Variants in RBFOX3 observed in about 807,000 individuals in gnomAD.
RBFOX3 encodes RNA binding fox-1 homolog 3, also known as RNA binding protein fox-1 homolog 3.
Under a neutral mutation model 48.7 loss-of-function variants are expected in RBFOX3, and 17 were observed. The observed-to-expected ratio is 0.35, with a 90% CI of 0.24 to 0.52. The LOEUF (loss-of-function observed/expected upper bound fraction) is 0.52, where lower values mean the gene tolerates loss of function less well. Ranked by LOEUF, RBFOX3 falls within the 20% of genes least tolerant of loss-of-function variation. The pLI, the probability that RBFOX3 is intolerant of heterozygous loss-of-function variation, is 0.94. For missense variants in RBFOX3, 382 were observed against 497.5 expected (o/e 0.77, Z 2.21); for synonymous variants, 212 against 209.5 (o/e 1.01, Z -0.10).
chr17:79,332,827 A>T (rs2078930511), intron 2 of RBFOX3, among the ~76,000 whole-genome samples: 1 of 151,850 alleles, frequency 6.6e-6, no homozygotes, highest in Non-Finnish European at 1.5e-5. Flanking sequence ...ACAGAGACAT[A>T]GAGAAAGAGA....
Position 79,471,942 on chromosome 17 carries a change from C to T in RBFOX3, c.-175+10512G>A, listed in dbSNP as rs2077118329. ...CAGGAAAACCCTTTATGGAAACCTA[C>T]TATGTGCAGCACTGTGGGAGAAACA... On this transcript the variant is annotated intron_variant, in intron 2 of 14. Transcript: ENST00000693108. This position sits in a 1 kb window ranked among gnomAD's most constrained non-coding sequence, Gnocchi z 4.0. Among the ~76,000 whole-genome samples the T allele has an allele frequency of 6.6e-6, 1 of 152,214 alleles. No individual in the cohort carries two copies. The highest frequency in any genetic ancestry group is 2.4e-5 in the African/African-American group (1 of 41,442).
chr17:79,192,610 C>T (rs1291451224), intron 4 of RBFOX3, among the ~76,000 whole-genome samples: 1 of 152,142 alleles, frequency 6.6e-6, no homozygotes, highest in African/African-American at 2.4e-5. Context: ...ATGTGGATGT[C>T]CATGGCTGAA....
intron 1 of RBFOX3, among the ~76,000 whole-genome samples, chr17:79,602,955 C>T (rs1454213262): frequency 6.6e-6 from 1 of 150,886 alleles, no homozygotes; most frequent in Non-Finnish European, 1.5e-5. Context: ...AGCAAGAGGA[C>T]CTGCTGCAGT....
chr17:79,559,097 GA>G (rs2091992631), intron 1 of RBFOX3, among the ~76,000 whole-genome samples: 2 of 152,184 alleles, frequency 1.3e-5, no homozygotes, highest in South Asian at 4.1e-4. Flanking sequence ...CAGCACTGAT[GA>G]CCTCACAATC....
intron 4 of RBFOX3, among the ~76,000 whole-genome samples, chr17:79,129,778 A>C (rs2038329339): frequency 1.3e-5 from 2 of 152,246 alleles, no homozygotes; most frequent in South Asian, 4.1e-4. Flanking sequence ...TGCTGGTTCT[A>C]AACTACCAGC....
At chr17:79,531,155 C>T (rs1031236957) in intron 1 of RBFOX3, among the ~76,000 whole-genome samples, 11 of 152,230 alleles carry the variant, frequency 7.2e-5, no homozygotes, top group Admixed American at 5.2e-4. Context: ...AGGTGCTACA[C>T]GGAAAAGCCC....
At chr17:79,568,910 C>T (rs1474804729) in intron 1 of RBFOX3, among the ~76,000 whole-genome samples, 9 of 152,024 alleles carry the variant, frequency 5.9e-5, no homozygotes, top group Non-Finnish European at 1.3e-4. Flanking sequence ...CCCAGAGCTC[C>T]GGACCCAGTG....
At chr17:79,228,822 A>G (rs1458569350) in intron 4 of RBFOX3, among the ~76,000 whole-genome samples, 1 of 152,206 alleles carries the variant, frequency 6.6e-6, no homozygotes, top group Non-Finnish European at 1.5e-5. Flanking sequence ...GTGTGCGCAT[A>G]CCAAGCGCTC....
At chr17:79,456,475 TGGAGAGAACCC>T (rs2074514235) in intron 2 of RBFOX3, among the ~76,000 whole-genome samples, 1 of 151,984 alleles carries the variant, frequency 6.6e-6, no homozygotes, top group Admixed American at 6.5e-5. Context: ...CATCCCCTGC[TGGAGAGAACCC>T]GCCCCAGACC....
At chr17:79,558,209 C>T (rs1474373254) in intron 1 of RBFOX3, among the ~76,000 whole-genome samples, 3 of 151,394 alleles carry the variant, frequency 2.0e-5, no homozygotes, top group Admixed American at 6.6e-5. Context: ...GAGAGGGCCA[C>T]GTGGCCCAGG....
At chr17:79,270,456 A>G (rs1325934067) in intron 3 of RBFOX3, among the ~76,000 whole-genome samples, 1 of 152,020 alleles carries the variant, frequency 6.6e-6, no homozygotes, top group East Asian at 1.9e-4. Flanking sequence ...CAAGCCAAAC[A>G]CCTGTGACCC....
At chr17:79,664,441 G>C in the RBFOX3 span, among the ~76,000 whole-genome samples, 1 of 151,982 alleles carries the variant, frequency 6.6e-6, no homozygotes, top group Non-Finnish European at 1.5e-5. Flanking sequence ...CGCCCCCCGG[G>C]GTTCACGCCA....
In RBFOX3 at chr17:79,584,389, G is replaced by A. The variant is rs941228626; in HGVS notation, c.-320+26437C>T. 1.5e-3 allele frequency among the ~76,000 whole-genome samples: 223 copies of A among 152,262 alleles called. 6 individuals are homozygous for A. Among genetic ancestry groups the A allele is most frequent in the Admixed American group, 0.014 (207 of 15,294 alleles). ...TTTGATCCAACAATCCCACTACCAG[G>A]TATCTACCCAGAGGAAAATAAGTCA... On this transcript the variant is annotated intron_variant, in intron 1 of 14. Coordinates refer to ENST00000693108, the MANE Select transcript of RBFOX3 (RefSeq NM_001350451.2).
chr17:79,103,881 C>T lies in RBFOX3; in HGVS notation c.414+192G>A, dbSNP rs532552411. ...GTGGCTCAGAAAGAAAAAGCGGCAG[C>T]GGCAGCAACAACACAGACAGCTGGG... is the stretch of plus-strand genomic sequence containing the variant. On this transcript the variant is annotated intron_variant, in intron 7 of 14. Transcript: ENST00000693108. This position sits in a 1 kb window ranked among gnomAD's most constrained non-coding sequence, Gnocchi z 6.1. Among the ~76,000 whole-genome samples the T allele has an allele frequency of 4.8e-5, 6 of 126,050 alleles. No homozygotes were observed. The highest frequency in any genetic ancestry group is 9.2e-5 in the African/African-American group (3 of 32,614). 82.7% of individuals were successfully genotyped at this position (126,050 alleles called of 152,430 possible).
Position 79,106,733 on chromosome 17 carries a change from G to C in RBFOX3, c.278C>G (p.Thr93Arg), listed in dbSNP as rs1339077239. The change falls in exon 6 of 15, where the codon ACA (threonine) becomes AGA (arginine). Residue 93 changes from threonine (T) to arginine (R), a missense_variant. Coordinates refer to ENST00000693108, the MANE Select transcript of RBFOX3 (RefSeq NM_001350451.2). ...DSQPLHPSDP[T>R]EKQQPKRLHV... ...TAGCCGCTTGGGCTGCTGCTTCTCT[G>C]TAGGGTCGGAGGGGTGGAGCGGCTG... The C allele has an allele frequency of 1.3e-6, 2 of 1,514,926 alleles. No homozygotes were observed. Among genetic ancestry groups the C allele is most frequent in the African/African-American group, 1.4e-5 (1 of 70,294 alleles). 93.8% of individuals were successfully genotyped at this position (1,514,926 alleles called of 1,614,324 possible). A position where few individuals can be genotyped will look rare whatever the true frequency, so the allele number is the denominator to read the frequency against.
chr17:79,419,570 C>T (rs2065909436), intron 2 of RBFOX3, among the ~76,000 whole-genome samples: 1 of 152,232 alleles, frequency 6.6e-6, no homozygotes, highest in Admixed American at 6.5e-5. Flanking sequence ...GCAGCTCTGC[C>T]ACTTTTACAC....
chr17:79,638,408 T>C, the RBFOX3 span, among the ~76,000 whole-genome samples: 1 of 151,502 alleles, frequency 6.6e-6, no homozygotes, highest in South Asian at 2.1e-4. Flanking sequence ...AAAGAGGTAT[T>C]AAAATGAATG....
intron 4 of RBFOX3, among the ~76,000 whole-genome samples, chr17:79,194,937 G>A (rs1392376916): frequency 1.1e-5 from 1 of 88,486 alleles, no homozygotes; most frequent in Non-Finnish European, 2.6e-5. Context: ...CTTTCTCAAT[G>A]TGGGTGCTGA....
chr17:79,176,425 C>T (rs1411025501), intron 4 of RBFOX3, among the ~76,000 whole-genome samples: 1 of 152,210 alleles, frequency 6.6e-6, no homozygotes, highest in Non-Finnish European at 1.5e-5. Context: ...AGCAGCTCAG[C>T]CGAGTAGTCC....
Sources: gnomAD v4.1 joint callset for allele counts (sites outside exome capture counted in the v4.1 genomes callset) on GRCh38, gnomAD v4.1.1 for gene constraint, Gnocchi (gnomAD v3.1) non-coding constraint, MANE v1.5 for transcripts, NCBI Gene and HGNC (gene_info 2026-07-23, HGNC 2026-07-21) for gene names.